GRIA1: variants seen among roughly 807,000 people sequenced by gnomAD.
The protein encoded by GRIA1 is glutamate ionotropic receptor AMPA type subunit 1, also known as glutamate receptor 1.
In GRIA1, 31 loss-of-function variants were observed where a neutral mutation model predicts 99.2. The ratio of observed to expected loss-of-function variants is 0.31; its 90% CI spans 0.23 to 0.42. The LOEUF (loss-of-function observed/expected upper bound fraction) is 0.42, where lower values mean the gene tolerates loss of function less well. Among genes scored for constraint, GRIA1 ranks in the 10% least tolerant of loss-of-function variants. The pLI, the probability that GRIA1 is intolerant of heterozygous loss-of-function variation, is 1.00. For missense variants in GRIA1, 782 were observed against 1,157.5 expected (o/e 0.68, Z 4.71); for synonymous variants, 438 against 432.4 (o/e 1.01, Z -0.16).
intron 5 of GRIA1, among the ~76,000 whole-genome samples, chr5:153,671,325 A>G (rs1453850916): frequency 6.6e-6 from 1 of 152,216 alleles, no homozygotes; most frequent in East Asian, 1.9e-4. Flanking sequence ...TGACTGCAGG[A>G]GATACTTTCC....
At chr5:153,573,634 G>T (rs1762303817) in intron 2 of GRIA1, among the ~76,000 whole-genome samples, 1 of 152,146 alleles carries the variant, frequency 6.6e-6, no homozygotes, top group East Asian at 1.9e-4. Flanking sequence ...TGCTGGACGG[G>T]AGTTTTTATT....
At chr5:153,676,766 A>G (rs989636701) in intron 6 of GRIA1, among the ~76,000 whole-genome samples, 1 of 152,166 alleles carries the variant, frequency 6.6e-6, no homozygotes, top group Non-Finnish European at 1.5e-5. Context: ...CAGTTCAAGG[A>G]GGTCAGCATT....
At chr5:153,797,468 C>T (rs1365390497) in intron 14 of GRIA1, among the ~76,000 whole-genome samples, 4 of 152,188 alleles carry the variant, frequency 2.6e-5, no homozygotes, top group African/African-American at 9.7e-5. Context: ...GAGCCAGAAA[C>T]ACCTCTGGGG....
At chr5:153,779,128 T>C (rs971640823) in intron 13 of GRIA1, among the ~76,000 whole-genome samples, 10 of 152,204 alleles carry the variant, frequency 6.6e-5, no homozygotes, top group Non-Finnish European at 1.3e-4. Flanking sequence ...ATACCAATGA[T>C]GTGCTGGGCA....
intron 2 of GRIA1, among the ~76,000 whole-genome samples, chr5:153,509,857 T>G (rs906538960): frequency 6.6e-6 from 1 of 152,198 alleles, no homozygotes; most frequent in African/African-American, 2.4e-5. Context: ...TTTAATTGTT[T>G]GTGATGACAA....
At chr5:153,616,913 G>A (rs1007745727) in intron 2 of GRIA1, among the ~76,000 whole-genome samples, 2 of 152,124 alleles carry the variant, frequency 1.3e-5, no homozygotes, top group Non-Finnish European at 2.9e-5. Context: ...ATAAAAACTG[G>A]GTTGTTGGGA....
At chr5:153,674,785 T>C in intron 6 of GRIA1, 124 bp downstream of exon 6, 1 of 1,038,592 alleles carries the variant, frequency 9.6e-7, no homozygotes, top group Non-Finnish European at 1.4e-6. Flanking sequence ...CAGGGAAATA[T>C]ATTTGTAAAG....
chr5:153,776,777 C>T (rs867606533), intron 13 of GRIA1, among the ~76,000 whole-genome samples: 1 of 152,278 alleles, frequency 6.6e-6, no homozygotes. Context: ...GAAGAGGTAT[C>T]ACCAAGGTTT....
chr5:153,550,203 G>T (rs1027755825), intron 2 of GRIA1, among the ~76,000 whole-genome samples: 4 of 151,938 alleles, frequency 2.6e-5, no homozygotes, highest in Non-Finnish European at 5.9e-5. Context: ...GGTGTTAGGG[G>T]TATATAGATA....
intron 2 of GRIA1, among the ~76,000 whole-genome samples, chr5:153,590,506 A>ATG (rs5872325): frequency 0.013 from 1,874 of 147,876 alleles, 23 homozygotes; most frequent in African/African-American, 0.033. Context: ...AGCTATTGAA[A>ATG]TGTGTGTGTG....
At chr5:153,561,402 C>T (rs1761114585) in intron 2 of GRIA1, among the ~76,000 whole-genome samples, 7 of 152,136 alleles carry the variant, frequency 4.6e-5, no homozygotes, top group Admixed American at 6.5e-5. Flanking sequence ...CCTGACCCAA[C>T]ATAGTGCTGT....
At chr5:153,513,104 ACCATT>A (rs1756263696) in intron 2 of GRIA1, among the ~76,000 whole-genome samples, 1 of 152,166 alleles carries the variant, frequency 6.6e-6, no homozygotes, top group Non-Finnish European at 1.5e-5. Flanking sequence ...TGTTTAAGTC[ACCATT>A]CCATAGTATT....
Position 153,670,568 on chromosome 5 carries a change from G to A in GRIA1, c.700-3932G>A, listed in dbSNP as rs1345568567. On this transcript the variant is annotated intron_variant, in intron 5 of 15. Transcript: ENST00000285900. ...AACTTCGTAGTTAAAATTTTTAATA[G>A]AATATAATTAGCAATGTAGTATTTT... 2.6e-5 allele frequency among the ~76,000 whole-genome samples: 4 copies of A among 151,942 alleles called. No individual in the cohort carries two copies. The East Asian group carries it at 7.7e-4, about 29-fold the overall frequency.
At chr5:153,663,660 A>C (rs1755536451) in intron 5 of GRIA1, among the ~76,000 whole-genome samples, 1 of 152,252 alleles carries the variant, frequency 6.6e-6, no homozygotes, top group South Asian at 2.1e-4. Flanking sequence ...CCATTTATGC[A>C]AATCATATTT....
intron 2 of GRIA1, among the ~76,000 whole-genome samples, chr5:153,571,397 A>G (rs1561651878): frequency 6.6e-6 from 1 of 152,196 alleles, no homozygotes; most frequent in Non-Finnish European, 1.5e-5. Flanking sequence ...TGTCCCAACT[A>G]CTAAACTCTG....
At chr5:153,682,242 G>A (rs1302721302) in intron 7 of GRIA1, among the ~76,000 whole-genome samples, 3 of 152,102 alleles carry the variant, frequency 2.0e-5, no homozygotes, top group Non-Finnish European at 4.4e-5. Context: ...GCATCCAGGA[G>A]GAAGGATCCA....
chr5:153,744,829 G>A (rs1347373383), intron 11 of GRIA1, among the ~76,000 whole-genome samples: 1 of 152,188 alleles, frequency 6.6e-6, no homozygotes, highest in Non-Finnish European at 1.5e-5. Flanking sequence ...TAATAATTTA[G>A]TGTAGTGCTA....
intron 1 of GRIA1, chr5:153,492,402 C>T (rs2113176168): frequency 2.6e-6 from 3 of 1,165,108 alleles, no homozygotes; most frequent in South Asian, 2.2e-5. Context: ...CCTTCTACTC[C>T]TCAACCTCCC....
chr5:153,600,680 G>T (rs1396469086), intron 2 of GRIA1, among the ~76,000 whole-genome samples: 2 of 152,130 alleles, frequency 1.3e-5, no homozygotes, highest in Non-Finnish European at 2.9e-5. Flanking sequence ...CAGGCTGGGG[G>T]GCCAAAGGGA....
Sources: allele counts gnomAD v4.1 joint callset (sites outside exome capture counted in the v4.1 genomes callset), GRCh38; gene constraint gnomAD v4.1.1; transcripts MANE v1.5; gene names NCBI Gene and HGNC (gene_info 2026-07-23, HGNC 2026-07-21).